Variants in CMSS1 observed in about 807,000 individuals in gnomAD.
The protein encoded by CMSS1 is protein CMSS1.
Under a neutral mutation model 43.5 loss-of-function variants are expected in CMSS1, and 33 were observed. The observed-to-expected ratio is 0.76, with a 90% CI of 0.57 to 1.01. CMSS1 has a LOEUF of 1.01. Ranked by LOEUF, CMSS1 falls within the 50% of genes least tolerant of loss-of-function variation. The pLI is 0.00. For synonymous variants in CMSS1, 115 were observed against 117.2 expected (o/e 0.98, Z 0.12); for missense variants, 313 against 326.4 (o/e 0.96, Z 0.32).
chr3:99,913,721 G>A (rs1706865465), intron 1 of CMSS1, among the ~76,000 whole-genome samples: 1 of 152,166 alleles, frequency 6.6e-6, no homozygotes, highest in South Asian at 2.1e-4. Context: ...GGAAGTGAGA[G>A]CAGGGCTATG....
chr3:100,174,721 A>T (rs1395464309), intron 8 of CMSS1, among the ~76,000 whole-genome samples: 1 of 152,196 alleles, frequency 6.6e-6, no homozygotes, highest in East Asian at 1.9e-4. Flanking sequence ...TAAGATGTTT[A>T]TACGTTTGAT....
chr3:99,976,332 A>T (rs1708970698), intron 1 of CMSS1, among the ~76,000 whole-genome samples: 2 of 152,236 alleles, frequency 1.3e-5, no homozygotes, highest in Admixed American at 1.3e-4. Context: ...TAGAATTCAT[A>T]CATAAAGAAT....
At position 99,817,881 on chromosome 3, in the gene CMSS1, G is replaced by A. The variant is rs1942351708; in HGVS notation, c.-99G>A. ...GGCGACAGTGTCTAGCGGGAGCTCCGCGTGTAGCTACGCCGGCCGCCTGGC... is the reference window on the plus strand; with the variant it reads ...GGCGACAGTGTCTAGCGGGAGCTCCACGTGTAGCTACGCCGGCCGCCTGGC... On this transcript the variant is annotated 5_prime_UTR_variant, in exon 1 of 10. Transcript: ENST00000421999. The A allele has an allele frequency of 7.9e-7, 1 of 1,264,124 alleles. No homozygotes were observed. The highest frequency in any genetic ancestry group is 1.1e-6 in the Non-Finnish European group (1 of 881,634). The allele number at this position is 1,264,124 out of a possible 1,614,324, so 78.3% of individuals were successfully genotyped here.
intron 1 of CMSS1, among the ~76,000 whole-genome samples, chr3:99,893,760 A>G (rs1706165557): frequency 6.6e-6 from 1 of 152,206 alleles, no homozygotes; most frequent in African/African-American, 2.4e-5. Context: ...AAATAGTTTC[A>G]TGCTGATTGA....
At chr3:100,146,045 T>G (rs1469577732) in intron 1 of CMSS1, among the ~76,000 whole-genome samples, 1 of 152,244 alleles carries the variant, frequency 6.6e-6, no homozygotes, top group African/African-American at 2.4e-5. Context: ...GTTCACATAT[T>G]CACATTTGAG....
intron 1 of CMSS1, among the ~76,000 whole-genome samples, chr3:99,897,178 G>A (rs1289479630): frequency 6.6e-6 from 1 of 152,150 alleles, no homozygotes; most frequent in Non-Finnish European, 1.5e-5. Context: ...AGCCAACATA[G>A]TGAAACCCAA....
intron 1 of CMSS1, among the ~76,000 whole-genome samples, chr3:99,855,288 G>A (rs1039770993): frequency 4.6e-5 from 7 of 152,122 alleles, no homozygotes; most frequent in Non-Finnish European, 1.0e-4. Flanking sequence ...GCATACCATA[G>A]TTGGTGGGTC....
At chr3:99,857,169 T>G (rs971726772) in intron 1 of CMSS1, among the ~76,000 whole-genome samples, 4 of 150,978 alleles carry the variant, frequency 2.6e-5, no homozygotes, top group African/African-American at 9.9e-5. Context: ...CTAAGTAGTT[T>G]TATTCACTAT....
intron 1 of CMSS1, among the ~76,000 whole-genome samples, chr3:99,952,712 A>G (rs1708213098): frequency 6.6e-6 from 1 of 152,184 alleles, no homozygotes; most frequent in African/African-American, 2.4e-5. Context: ...TAATATCTAT[A>G]GTTTACTAGC....
In CMSS1 at chr3:100,092,556, T is replaced by C. The variant is rs908656815; in HGVS notation, c.65-54417T>C. On this transcript the variant is annotated intron_variant, in intron 1 of 9. Coordinates refer to ENST00000421999, the MANE Select transcript of CMSS1 (RefSeq NM_032359.4). ...TACCCTTGCATGTGTATATCTTGTA[T>C]TTGCATGCCCAGTACACATACCCCA... Among the ~76,000 whole-genome samples the C allele has an allele frequency of 7.9e-5, 12 of 151,172 alleles. No individual in the cohort carries two copies. In the Admixed American group the frequency reaches 7.9e-4, roughly 10 times the overall value.
chr3:100,146,630 C>T (rs1019736151), intron 1 of CMSS1, among the ~76,000 whole-genome samples: 1 of 152,176 alleles, frequency 6.6e-6, no homozygotes, highest in Non-Finnish European at 1.5e-5. Context: ...TAGCCCTGAC[C>T]ACTTACTATT....
intron 1 of CMSS1, among the ~76,000 whole-genome samples, chr3:100,014,552 T>C (rs1008446828): frequency 6.6e-6 from 1 of 152,150 alleles, no homozygotes; most frequent in Admixed American, 6.5e-5. Context: ...TGAGGTGATA[T>C]CTTATTGTGG....
chr3:100,081,507 G>C (rs1289629008), intron 1 of CMSS1, among the ~76,000 whole-genome samples: 1 of 152,154 alleles, frequency 6.6e-6, no homozygotes, highest in East Asian at 1.9e-4. Flanking sequence ...TATGTAGAAA[G>C]ATATCTCTGT....
chr3:99,917,520 G>A (rs1706990799), intron 1 of CMSS1, among the ~76,000 whole-genome samples: 1 of 151,902 alleles, frequency 6.6e-6, no homozygotes, highest in African/African-American at 2.4e-5. Context: ...TTTTATCTTG[G>A]GCTTGAGAGG....
chr3:100,130,844 T>C (rs371002053), intron 1 of CMSS1, among the ~76,000 whole-genome samples: 21 of 152,280 alleles, frequency 1.4e-4, no homozygotes, highest in African/African-American at 5.1e-4. Context: ...AAGTGTATGG[T>C]TGGTCACCAA....
chr3:100,144,761 G>A (rs150004562), intron 1 of CMSS1, among the ~76,000 whole-genome samples: 59 of 152,318 alleles, frequency 3.9e-4, no homozygotes, highest in African/African-American at 1.4e-3. Context: ...TTTTGTTGGG[G>A]CTTTTTTGGT....
intron 1 of CMSS1, among the ~76,000 whole-genome samples, chr3:100,082,205 CAT>C (rs1306556200): frequency 6.6e-6 from 1 of 152,190 alleles, no homozygotes; most frequent in Non-Finnish European, 1.5e-5. Context: ...GCTAAAGAGT[CAT>C]ATATCATGAA....
chr3:100,144,988 G>A (rs996231400), intron 1 of CMSS1, among the ~76,000 whole-genome samples: 3 of 152,102 alleles, frequency 2.0e-5, no homozygotes, highest in African/African-American at 7.2e-5. Flanking sequence ...GAGGGGTAGG[G>A]AACAGTGTAA....
chr3:99,966,498 C>T (rs1311923422), intron 1 of CMSS1, among the ~76,000 whole-genome samples: 2 of 152,096 alleles, frequency 1.3e-5, no homozygotes, highest in Non-Finnish European at 2.9e-5. Flanking sequence ...TTGTGCAGAG[C>T]CCCGTCAAAA....
Sources: allele counts gnomAD v4.1 joint callset (sites outside exome capture counted in the v4.1 genomes callset), GRCh38; gene constraint gnomAD v4.1.1; transcripts MANE v1.5; gene names NCBI Gene and HGNC (gene_info 2026-07-23, HGNC 2026-07-21).